Variants in KALRN observed in about 807,000 individuals in gnomAD.
The protein encoded by KALRN is kalirin.
Under a neutral mutation model 353.7 loss-of-function variants are expected in KALRN, and 70 were observed. The ratio of observed to expected loss-of-function variants is 0.20; its 90% CI spans 0.16 to 0.24. The LOEUF (loss-of-function observed/expected upper bound fraction) is 0.24. KALRN is among the 10% of genes least tolerant of loss of function. KALRN has a pLI of 1.00. For missense variants in KALRN, 2,791 were observed against 3,756.7 expected (o/e 0.74, Z 6.72); for synonymous variants, 1,391 against 1,434.8 (o/e 0.97, Z 0.69).
At chr3:124,387,419 T>G (rs956968265) in intron 11 of KALRN, among the ~76,000 whole-genome samples, 1 of 152,250 alleles carries the variant, frequency 6.6e-6, no homozygotes, top group Non-Finnish European at 1.5e-5. Context: ...ATAGCCATGA[T>G]AATTCTCGTT....
rs2087426000 is a variant in KALRN at position 124,678,331 on chromosome 3, G to A, written c.7317+18G>A. The A allele has an allele frequency of 6.2e-7, 1 of 1,612,496 alleles. No homozygotes were observed. The highest frequency in any genetic ancestry group is 8.5e-7 in the Non-Finnish European group (1 of 1,179,072). On this transcript the variant is annotated intron_variant, in intron 50 of 59. Coordinates refer to ENST00000682506, the MANE Select transcript of KALRN (RefSeq NM_001388419.1). ...CTGTTAAAGTGAGTAAGGTATTCCG[G>A]AGCTGCGTCCCCACCTGTCATCCAC...
At chr3:124,630,043 G>C (rs1177267790) in intron 34 of KALRN, among the ~76,000 whole-genome samples, 1 of 152,158 alleles carries the variant, frequency 6.6e-6, no homozygotes, top group African/African-American at 2.4e-5. Flanking sequence ...GTAGAAACAA[G>C]CACTGAGAAC....
At chr3:124,504,674 A>G in intron 33 of KALRN, 1 of 366,030 alleles carries the variant, frequency 2.7e-6, no homozygotes, top group Non-Finnish European at 5.5e-6. Context: ...TGGGAGTGTG[A>G]TTCTGCCCTA....
intron 27 of KALRN, among the ~76,000 whole-genome samples, chr3:124,480,981 A>G (rs1022713990): frequency 6.6e-6 from 1 of 152,066 alleles, no homozygotes; most frequent in Non-Finnish European, 1.5e-5. Flanking sequence ...TTTTTCATGC[A>G]TAGATATATA....
Position 124,433,260 on chromosome 3 carries a change from GTAAATAAAAAGTTAA to G in KALRN, c.2830-1035_2830-1021del, listed in dbSNP as rs532417847. Among the ~76,000 whole-genome samples, 122 of 151,810 alleles carry G rather than the reference GTAAATAAAAAGTTAA, an allele frequency of 8.0e-4. 2 individuals carry two copies. In the East Asian group the frequency reaches 0.023, roughly 28 times the overall value. On this transcript the variant is annotated intron_variant, in intron 16 of 59. Transcript: ENST00000682506. ...TTAATAAAAAATAAAAAGTAAAAAA[GTAAATAAAAAGTTAA>G]TAAATAAAAAGGATTAAAAAAAAAA...
intron 1 of KALRN, among the ~76,000 whole-genome samples, chr3:124,226,371 C>T (rs1286247310): frequency 2.6e-5 from 4 of 152,112 alleles, no homozygotes; most frequent in Non-Finnish European, 5.9e-5. Context: ...TGCTTATAGG[C>T]TTTGAAATTC....
intron 33 of KALRN, among the ~76,000 whole-genome samples, chr3:124,524,033 AG>A (rs2067376694): frequency 6.6e-6 from 1 of 152,232 alleles, no homozygotes; most frequent in African/African-American, 2.4e-5. Flanking sequence ...AGACACTCTA[AG>A]AGCCACTGAA....
chr3:124,271,169 T>G (rs1342887370), intron 5 of KALRN, among the ~76,000 whole-genome samples: 1 of 152,222 alleles, frequency 6.6e-6, no homozygotes, highest in African/African-American at 2.4e-5. Context: ...CATCTCTTTT[T>G]TCTTGAGGCC....
chr3:124,564,538 A>G (rs2072546725), intron 34 of KALRN, among the ~76,000 whole-genome samples: 1 of 152,032 alleles, frequency 6.6e-6, no homozygotes, highest in South Asian at 2.1e-4. Context: ...TTAGCCAGGC[A>G]TGGTGGCACA....
At chr3:124,188,166 G>T (rs971126235) in intron 1 of KALRN, among the ~76,000 whole-genome samples, 1 of 152,132 alleles carries the variant, frequency 6.6e-6, no homozygotes, top group African/African-American at 2.4e-5. Flanking sequence ...TTAAACGTAC[G>T]CAAGAATCAC....
chr3:124,461,336 A>C (rs993797681), intron 23 of KALRN, among the ~76,000 whole-genome samples: 1 of 151,752 alleles, frequency 6.6e-6, no homozygotes, highest in African/African-American at 2.4e-5. Context: ...GCCCACAGAG[A>C]TTTATTATCT....
At chr3:124,574,574 A>G (rs867711755) in intron 34 of KALRN, among the ~76,000 whole-genome samples, 3 of 152,212 alleles carry the variant, frequency 2.0e-5, no homozygotes, top group Non-Finnish European at 4.4e-5. Context: ...TTGATCCCAG[A>G]GAAGAAAGGC....
chr3:124,416,042 A>G (rs929447708), intron 14 of KALRN, among the ~76,000 whole-genome samples: 3 of 152,214 alleles, frequency 2.0e-5, no homozygotes, highest in Non-Finnish European at 4.4e-5. Flanking sequence ...GCCTGCCCTC[A>G]TGGTACTTAC....
intron 51 of KALRN, among the ~76,000 whole-genome samples, chr3:124,680,049 G>A (rs1182581458): frequency 2.0e-5 from 3 of 152,188 alleles, no homozygotes; most frequent in Admixed American, 2.0e-4. Flanking sequence ...TTGCTATGTA[G>A]AGCTGATAGC....
At chr3:124,343,442 G>T (rs1383328582) in intron 9 of KALRN, among the ~76,000 whole-genome samples, 1 of 152,194 alleles carries the variant, frequency 6.6e-6, no homozygotes, top group East Asian at 1.9e-4. Context: ...TTACAGGCAT[G>T]AGCCACTGCA....
chr3:124,198,878 A>T (rs778331785), intron 1 of KALRN, among the ~76,000 whole-genome samples: 4 of 152,186 alleles, frequency 2.6e-5, no homozygotes, highest in Non-Finnish European at 4.4e-5. Flanking sequence ...GGAATGAGGG[A>T]TCCAGAGCAG....
intron 1 of KALRN, among the ~76,000 whole-genome samples, chr3:124,205,438 T>C (rs887045747): frequency 1.3e-5 from 2 of 152,308 alleles, no homozygotes; most frequent in African/African-American, 4.8e-5. Context: ...GGCAAATCAT[T>C]TGACTTCTAT....
At chr3:124,385,773 C>G (rs1392979974) in intron 11 of KALRN, among the ~76,000 whole-genome samples, 1 of 152,140 alleles carries the variant, frequency 6.6e-6, no homozygotes, top group African/African-American at 2.4e-5. Context: ...CCTATGATTG[C>G]TTTTCATTTC....
chr3:124,201,275 C>T (rs144157606), intron 1 of KALRN, among the ~76,000 whole-genome samples: 1 of 152,226 alleles, frequency 6.6e-6, no homozygotes, highest in Non-Finnish European at 1.5e-5. Flanking sequence ...CCGTGACTCT[C>T]TGCCAAATCC....
Sources: gnomAD v4.1 joint callset for allele counts (sites outside exome capture counted in the v4.1 genomes callset) on GRCh38, gnomAD v4.1.1 for gene constraint, MANE v1.5 for transcripts, NCBI Gene and HGNC (gene_info 2026-07-23, HGNC 2026-07-21) for gene names.